Variants in ZNF831 observed in about 807,000 individuals in gnomAD.
ZNF831 encodes chromosome 20 open reading frame 174.
A neutral mutation model predicts 95.8 loss-of-function variants in ZNF831; 59 were observed. That is an observed-to-expected ratio of 0.62 (90% confidence interval 0.50 to 0.77). The LOEUF (loss-of-function observed/expected upper bound fraction) is 0.77. Ranked by LOEUF, ZNF831 falls within the 30% of genes least tolerant of loss-of-function variation. The pLI is 0.00. For synonymous variants in ZNF831, 961 were observed against 925.5 expected, an observed-to-expected ratio of 1.04 and a Z score of -0.70; for missense variants, 2,205 against 2,164.0, an observed-to-expected ratio of 1.02 and a Z score of -0.38.
chr20:59,158,959 A>G (rs1303163725), upstream of ZNF831, among the ~76,000 whole-genome samples: 1 of 152,134 alleles, frequency 6.6e-6, no homozygotes, highest in Non-Finnish European at 1.5e-5. Context: ...CAGTCTGTCA[A>G]CTGATGTCTC....
At chr20:59,146,151 C>T (rs1979849100) in intron 1 of ZNF831, 2 of 152,142 alleles carry the variant, frequency 1.3e-5, no homozygotes, top group African/African-American at 2.4e-5. Context: ...CCCGGTGTCC[C>T]TCTGCCACCC....
At chr20:59,161,561 G>T (rs1027641567), upstream of ZNF831, among the ~76,000 whole-genome samples, 1 of 152,224 alleles carries the variant, frequency 6.6e-6, no homozygotes, top group Admixed American at 6.5e-5. Context: ...TTACAGGCAT[G>T]GGATTACATG....
intron 2 of ZNF831, among the ~76,000 whole-genome samples, chr20:59,156,026 G>A (rs1050901953): frequency 2.0e-5 from 3 of 152,018 alleles, no homozygotes; most frequent in African/African-American, 4.8e-5. Flanking sequence ...ATGCTCAACC[G>A]AAGACTGAAA....
chr20:59,154,304 A>C (rs6026732), intron 2 of ZNF831, among the ~76,000 whole-genome samples: 15,318 of 152,200 alleles, frequency 0.1, 845 homozygotes, highest in Non-Finnish European at 0.12. Context: ...CTCATTCACA[A>C]GTGTTAGTAA....
At position 59,169,624 on chromosome 20, in the gene ZNF831, G is replaced by A. The variant is rs983040617; in HGVS notation, c.-37+5417G>A. Among the ~76,000 whole-genome samples the A allele has an allele frequency of 2.6e-5, 4 of 152,108 alleles. No homozygotes were observed. Among genetic ancestry groups the A allele is most frequent in the East Asian group, 1.9e-4 (1 of 5,192 alleles). ...CTACTAAAAATACAAAAATTAGCCC[G>A]GTGTGGTGGTGCGCACCTGTAATCC... On this transcript the variant is annotated intron_variant, in intron 1 of 5. Transcript: ENST00000371030. This position sits in a 1 kb window ranked among gnomAD's most constrained non-coding sequence, Gnocchi z 4.1.
At chr20:59,142,891 G>A (rs949437026) in intron 1 of ZNF831, among the ~76,000 whole-genome samples, 1 of 152,122 alleles carries the variant, frequency 6.6e-6, no homozygotes, top group African/African-American at 2.4e-5. Context: ...GTCAGGGACT[G>A]TGCTTTTTAT....
At chr20:59,176,062 A>G (rs6015450) in intron 1 of ZNF831, among the ~76,000 whole-genome samples, 21,041 of 152,186 alleles carry the variant, frequency 0.14, 1,602 homozygotes, top group African/African-American at 0.2. Flanking sequence ...GGAATGCCTT[A>G]TTATTGCCTC....
intron 4 of ZNF831, among the ~76,000 whole-genome samples, chr20:59,249,412 G>A (rs1001634329): frequency 6.6e-6 from 1 of 151,742 alleles, no homozygotes; most frequent in African/African-American, 2.4e-5. Flanking sequence ...TTTCCTTTGC[G>A]ACCCCATCAC....
chr20:59,186,823 T>G (rs1298437166), intron 1 of ZNF831, among the ~76,000 whole-genome samples: 1 of 151,958 alleles, frequency 6.6e-6, no homozygotes, highest in African/African-American at 2.4e-5. Flanking sequence ...CCTAGTGTGG[T>G]GAGGTTCATA....
At chr20:59,226,547 T>C (rs1193713416) in intron 4 of ZNF831, among the ~76,000 whole-genome samples, 1 of 151,842 alleles carries the variant, frequency 6.6e-6, no homozygotes, top group East Asian at 1.9e-4. Flanking sequence ...ATGCCCGATA[T>C]AAGGCTATCA....
chr20:59,154,798 C>T (rs1202789335), intron 2 of ZNF831, among the ~76,000 whole-genome samples: 1 of 152,212 alleles, frequency 6.6e-6, no homozygotes, highest in South Asian at 2.1e-4. Flanking sequence ...TGCCCTTTGC[C>T]CTCAGATGTG....
intron 2 of ZNF831, among the ~76,000 whole-genome samples, chr20:59,151,746 T>TA (rs1980251080): frequency 6.6e-6 from 1 of 152,200 alleles, no homozygotes; most frequent in Non-Finnish European, 1.5e-5. Context: ...TTTGCGCTCT[T>TA]AGAGTTAGTA....
chr20:59,164,264 C>T (rs765129662), intron 1 of ZNF831, among the ~76,000 whole-genome samples, 57 bp downstream of exon 1: 2 of 152,160 alleles, frequency 1.3e-5, no homozygotes, highest in South Asian at 2.1e-4. Flanking sequence ...AAAAAAAACT[C>T]TTTTACTCTA....
At chr20:59,153,414 G>A (rs998322652) in intron 2 of ZNF831, among the ~76,000 whole-genome samples, 1 of 152,220 alleles carries the variant, frequency 6.6e-6, no homozygotes, top group Non-Finnish European at 1.5e-5. Flanking sequence ...CATCTTCCTG[G>A]GACAGCCTCC....
chr20:59,173,340 C>T (rs1288535634), intron 1 of ZNF831, among the ~76,000 whole-genome samples: 1 of 152,160 alleles, frequency 6.6e-6, no homozygotes, highest in African/African-American at 2.4e-5. Context: ...TCAGCAACAT[C>T]AGCCCTGTGG....
Position 59,192,858 on chromosome 20 carries a change from G to T in ZNF831, c.1839G>T (p.Lys613Asn). The T allele has an allele frequency of 6.2e-7, 1 of 1,603,170 alleles. No homozygotes were observed. Among genetic ancestry groups the T allele is most frequent in the Non-Finnish European group, 8.5e-7 (1 of 1,174,912 alleles). Reference protein sequence around the residue: ...GGRKCGQRRLKMFSQEKWQVY... With the variant: ...GGRKCGQRRLNMFSQEKWQVY... ...GGAAGTGCGGCCAGAGAAGGCTGAA[G>T]ATGTTCTCCCAGGAGAAGTGGCAGG... Residue 613 changes from lysine to asparagine, a missense_variant, in exon 2 of 6, where the codon AAG (lysine) becomes AAT (asparagine). By Grantham distance (94) the Lys-to-Asn change is moderately conservative. Coordinates refer to ENST00000371030, the MANE Select transcript of ZNF831 (RefSeq NM_178457.3). This position sits in a 1 kb window ranked among gnomAD's most constrained non-coding sequence, Gnocchi z 5.2.
At chr20:59,146,512 C>T (rs1187332807) in intron 2 of ZNF831, 2 of 152,232 alleles carry the variant, frequency 1.3e-5, no homozygotes, top group Middle Eastern at 3.2e-3. Flanking sequence ...TGATTCCTTC[C>T]AAGCACACGC....
chr20:59,196,933 C>T lies in ZNF831; in HGVS notation c.3875+928C>T, dbSNP rs1037565095. On this transcript the variant is annotated intron_variant, in intron 3 of 5. Coordinates refer to ENST00000371030, the MANE Select transcript of ZNF831 (RefSeq NM_178457.3). ...CTGGGATTACAGGCATGGGCCACCACGCCCAGCTATTTTTTTTTTTTTTTT... is the reference window on the plus strand; with the variant it reads ...CTGGGATTACAGGCATGGGCCACCATGCCCAGCTATTTTTTTTTTTTTTTT... 7.3e-5 allele frequency among the ~76,000 whole-genome samples: 11 copies of T among 150,664 alleles called. No individual in the cohort carries two copies. The South Asian group carries it at 8.4e-4, about 11-fold the overall frequency.
upstream of ZNF831, among the ~76,000 whole-genome samples, chr20:59,161,491 C>G (rs759965867): frequency 4.6e-5 from 7 of 152,180 alleles, no homozygotes; most frequent in Admixed American, 6.5e-5. Flanking sequence ...GTTGGCCAGG[C>G]TAGTCTCAAA....
Sources: gnomAD v4.1 joint callset for allele counts (sites outside exome capture counted in the v4.1 genomes callset) on GRCh38, gnomAD v4.1.1 for gene constraint, Gnocchi (gnomAD v3.1) non-coding constraint, MANE v1.5 for transcripts, NCBI Gene and HGNC (gene_info 2026-07-23, HGNC 2026-07-21) for gene names.